TMEM131L: variants seen among roughly 807,000 people sequenced by gnomAD.
TMEM131L encodes transmembrane protein 131-like.
A neutral mutation model predicts 192.2 loss-of-function variants in TMEM131L; 54 were observed. The observed-to-expected ratio is 0.28, with a 90% CI of 0.23 to 0.35. The LOEUF is 0.35. Ranked by LOEUF, TMEM131L falls within the 10% of genes least tolerant of loss-of-function variation. TMEM131L has a pLI of 1.00. For missense variants in TMEM131L, 1,888 were observed against 1,972.9 expected (o/e 0.96, Z 0.82); for synonymous variants, 701 against 704.9 (o/e 0.99, Z 0.09).
chr4:153,611,150 C>T (rs551523072), intron 25 of TMEM131L, among the ~76,000 whole-genome samples: 8 of 152,352 alleles, frequency 5.3e-5, no homozygotes, highest in African/African-American at 1.7e-4. Context: ...GTTGGCTCCT[C>T]TGCCGATTGG....
intron 26 of TMEM131L, among the ~76,000 whole-genome samples, chr4:153,618,054 T>A (rs1244379862): frequency 6.6e-6 from 1 of 152,150 alleles, no homozygotes; most frequent in East Asian, 1.9e-4. Flanking sequence ...TATTGCTTAT[T>A]TGATTTTACT....
intron 21 of TMEM131L, among the ~76,000 whole-genome samples, chr4:153,600,064 A>G (rs1322089370): frequency 6.6e-6 from 1 of 152,040 alleles, no homozygotes; most frequent in Non-Finnish European, 1.5e-5. Context: ...AAAAAAATAA[A>G]TCTTTAAAAA....
intron 7 of TMEM131L, among the ~76,000 whole-genome samples, chr4:153,567,380 G>A (rs181859451): frequency 2.6e-5 from 4 of 152,288 alleles, no homozygotes; most frequent in Admixed American, 2.6e-4. Flanking sequence ...ACATTTTGTT[G>A]TAGTTTTAGC....
intron 3 of TMEM131L, among the ~76,000 whole-genome samples, chr4:153,543,782 C>A (rs1417401125): frequency 6.6e-6 from 1 of 152,138 alleles, no homozygotes; most frequent in East Asian, 1.9e-4. Flanking sequence ...AGAAAGGGAC[C>A]AAGGAGATTA....
intron 20 of TMEM131L, 46 bp downstream of exon 20, chr4:153,596,431 A>T (rs753531512): frequency 6.2e-7 from 1 of 1,600,454 alleles, no homozygotes; most frequent in East Asian, 2.2e-5. Flanking sequence ...TCAATGACTC[A>T]TCTGTGTAAA....
At chr4:153,622,828 C>G (rs1325382365) in intron 28 of TMEM131L, 70 bp from the exon 29 acceptor site, 1 of 1,504,880 alleles carries the variant, frequency 6.6e-7, no homozygotes, top group Admixed American at 1.7e-5. Context: ...TGTCACCTCT[C>G]TCTTTCTGTT....
At chr4:153,563,330 A>C (rs1403539745) in intron 7 of TMEM131L, among the ~76,000 whole-genome samples, 1 of 152,158 alleles carries the variant, frequency 6.6e-6, no homozygotes, top group Admixed American at 6.5e-5. Flanking sequence ...GTTATGAGTT[A>C]TCTGTTGCAA....
At chr4:153,496,823 A>G (rs2149945983) in intron 3 of TMEM131L, among the ~76,000 whole-genome samples, 1 of 149,286 alleles carries the variant, frequency 6.7e-6, no homozygotes, top group African/African-American at 2.5e-5. Context: ...AAGTGCTGGG[A>G]TTACAGGTGT....
rs1730402406 is a variant in TMEM131L, at chr4:153,582,420, G to GTTTTTTTGTTTTTTTTTTTTT, written c.893-763_893-762insGTTTTTTTTTTTTTTTTTTTT. On this transcript the variant is annotated intron_variant, in intron 9 of 34. Transcript: ENST00000409959. ...CCACTATGCCTGGCTAATTTAAACC[G>GTTTTTTTGTTTTTTTTTTTTT]TTTTTTTTTGTTGTTTTTTTTTTTT... 2.4e-5 allele frequency among the ~76,000 whole-genome samples: 2 copies of GTTTTTTTGTTTTTTTTTTTTT among 81,844 alleles called. 1 individual carries two copies. The highest frequency in any genetic ancestry group is 1.1e-4 in the African/African-American group (2 of 18,240). The allele number at this position is 81,844 out of a possible 152,430, so 53.7% of individuals were successfully genotyped here. A position where few individuals can be genotyped will look rare whatever the true frequency, so the allele number is the denominator to read the frequency against.
chr4:153,518,330 T>C (rs1265646266), intron 3 of TMEM131L, among the ~76,000 whole-genome samples: 2 of 152,186 alleles, frequency 1.3e-5, no homozygotes, highest in Non-Finnish European at 2.9e-5. Flanking sequence ...GTGTTTTTGC[T>C]ATAATAGAAA....
intron 7 of TMEM131L, among the ~76,000 whole-genome samples, chr4:153,573,320 C>T (rs958774853): frequency 1.1e-4 from 17 of 152,258 alleles, no homozygotes; most frequent in African/African-American, 2.9e-4. Context: ...GGTCAAGCGA[C>T]GGCAGCCTGC....
chr4:153,498,946 A>G (rs1336792066), intron 3 of TMEM131L, among the ~76,000 whole-genome samples: 2 of 152,242 alleles, frequency 1.3e-5, no homozygotes, highest in East Asian at 1.9e-4. Flanking sequence ...AATGTAGCCA[A>G]TTCTGCATTT....
intron 32 of TMEM131L, among the ~76,000 whole-genome samples, chr4:153,633,939 T>A (rs1351839675): frequency 7.2e-5 from 11 of 152,236 alleles, no homozygotes; most frequent in Non-Finnish European, 1.3e-4. Flanking sequence ...ATTCTGTCTC[T>A]AGTTAGACTT....
rs537467784 is a variant in TMEM131L at position 153,598,699 on chromosome 4, G to A, written c.2233G>A (p.Val745Met). The A allele has an allele frequency of 2.5e-6, 4 of 1,613,986 alleles. No individual in the cohort carries two copies. Among genetic ancestry groups the A allele is most frequent in the South Asian group, 1.1e-5 (1 of 91,076 alleles). Reference sequence around the variant, plus strand: ...TGCAGGAGGCTCACTCCGATTTAAGGTGCCCGAGTCCACGCTGATGGACTG... The same window carrying A: ...TGCAGGAGGCTCACTCCGATTTAAGATGCCCGAGTCCACGCTGATGGACTG... ...PGAGGSLRFK[V>M]PESTLMDCRR... Residue 745 changes from valine (V) to methionine (M), a missense_variant, in exon 21 of 35, where the codon GTG becomes ATG. Coordinates refer to ENST00000409959, the MANE Select transcript of TMEM131L (RefSeq NM_001131007.2).
At chr4:153,556,156 C>A (rs1418903029) in intron 5 of TMEM131L, among the ~76,000 whole-genome samples, 1 of 151,964 alleles carries the variant, frequency 6.6e-6, no homozygotes, top group Non-Finnish European at 1.5e-5. Context: ...TGAAGGCTCT[C>A]AGCTGTGTAG....
chr4:153,520,050 A>ATC (rs1734999586), intron 3 of TMEM131L, among the ~76,000 whole-genome samples: 2 of 152,160 alleles, frequency 1.3e-5, no homozygotes, highest in African/African-American at 4.8e-5. Context: ...TTGCTTCCAT[A>ATC]TCTGCACTGA....
At chr4:153,545,645 A>AT (rs1580182116) in intron 3 of TMEM131L, among the ~76,000 whole-genome samples, 4 of 152,046 alleles carry the variant, frequency 2.6e-5, no homozygotes, top group Admixed American at 1.3e-4. Context: ...TTTTAAAAAG[A>AT]TTTTTTTCTT....
chr4:153,497,792 T>C (rs1201681255), intron 3 of TMEM131L, among the ~76,000 whole-genome samples: 1 of 151,930 alleles, frequency 6.6e-6, no homozygotes, highest in African/African-American at 2.4e-5. Context: ...CTATACTCTT[T>C]TCTACTCTAT....
chr4:153,559,704 G>A (rs1728722076), intron 7 of TMEM131L, among the ~76,000 whole-genome samples: 1 of 152,076 alleles, frequency 6.6e-6, no homozygotes, highest in African/African-American at 2.4e-5. Flanking sequence ...CCAACTGATA[G>A]TATCCCATTA....
Sources: allele counts gnomAD v4.1 joint callset (sites outside exome capture counted in the v4.1 genomes callset), GRCh38; gene constraint gnomAD v4.1.1; transcripts MANE v1.5; gene names NCBI Gene and HGNC (gene_info 2026-07-23, HGNC 2026-07-21).